TLN2: variants seen among roughly 807,000 people sequenced by gnomAD.
The protein encoded by TLN2 is talin-2.
TLN2 carries 118 observed loss-of-function variants against 294.7 expected under a neutral mutation model. The ratio of observed to expected loss-of-function variants is 0.40; its 90% CI spans 0.34 to 0.47. The LOEUF (loss-of-function observed/expected upper bound fraction) is 0.47, where lower values mean the gene tolerates loss of function less well. Ranked by LOEUF, TLN2 falls within the 20% of genes least tolerant of loss-of-function variation. The probability of loss-of-function intolerance (pLI) is 0.84; values close to 1 mark genes in which losing one functional copy is unlikely to be tolerated. For missense variants in TLN2, 3,083 were observed against 3,282.2 expected (o/e 0.94, Z 1.48); for synonymous variants, 1,431 against 1,304.5 (o/e 1.10, Z -2.09).
chr15:62,551,350 G>A (rs1418809673), intron 1 of TLN2, among the ~76,000 whole-genome samples: 1 of 152,136 alleles, frequency 6.6e-6, no homozygotes, highest in African/African-American at 2.4e-5. Flanking sequence ...TCCTGTGCAA[G>A]GATGATTTTT....
rs148420604 is a variant in TLN2 at position 62,408,934 on chromosome 15, A to G, written c.-238+18249A>G. ...CTCGGCCTCCCAAAGTGCTGGGATT[A>G]CAGGTGACAGCCAGCATGCCTGGCC... On this transcript the variant is annotated intron_variant, in intron 1 of 58. Coordinates refer to ENST00000636159, the MANE Select transcript of TLN2 (RefSeq NM_015059.3). Among the ~76,000 whole-genome samples the G allele has an allele frequency of 9.0e-3, 1,369 of 152,140 alleles. 9 individuals are homozygous for G. The highest frequency in any genetic ancestry group is 0.032 in the African/African-American group (1,316 of 41,490).
intron 17 of TLN2, 97 bp from the exon 18 acceptor site, chr15:62,701,895 G>C (rs1277398866): frequency 1.5e-6 from 2 of 1,359,372 alleles, no homozygotes; most frequent in Non-Finnish European, 2.0e-6. Context: ...ACTCCTGCAG[G>C]ATGGTAGGTG....
intron 42 of TLN2, among the ~76,000 whole-genome samples, chr15:62,771,923 A>G (rs1294812334): frequency 6.6e-6 from 1 of 152,196 alleles, no homozygotes; most frequent in African/African-American, 2.4e-5. Flanking sequence ...AGAAACATTT[A>G]AACTGGTAGC....
intron 1 of TLN2, among the ~76,000 whole-genome samples, chr15:62,451,140 T>C (rs977336120): frequency 6.6e-6 from 1 of 152,106 alleles, no homozygotes; most frequent in Non-Finnish European, 1.5e-5. Context: ...AATTTGAAGA[T>C]TCCTGGGCAC....
At chr15:62,683,011 CA>C (rs2141031609) in intron 11 of TLN2, 1 of 152,322 alleles carries the variant, frequency 6.6e-6, no homozygotes, top group Admixed American at 6.5e-5. Context: ...GGCTAATAAA[CA>C]GGGTCTTCAG....
chr15:62,669,509 G>A lies in TLN2; in HGVS notation c.789-4318G>A, dbSNP rs191786014. Among the ~76,000 whole-genome samples the A allele has an allele frequency of 1.8e-3, 269 of 152,280 alleles. 1 individual carries two copies. The highest frequency in any genetic ancestry group is 3.0e-3 in the Non-Finnish European group (201 of 68,026). ...TAAAAGGCTGGCAGTAGGGTTTGGC[G>A]GAGAAGTGAGTTCTCAATGCACAGT... On this transcript the variant is annotated intron_variant, in intron 9 of 58. Coordinates refer to ENST00000636159, the MANE Select transcript of TLN2 (RefSeq NM_015059.3).
In TLN2 at chr15:62,596,099, T is replaced by TA. The variant is rs935857998; in HGVS notation, c.-162+6344dup. ...GACCATGGTGAAACCCCGTCTCTGC[T>TA]AAAAAAATACAAAAAATTAGCCGGG... On this transcript the variant is annotated intron_variant, in intron 2 of 58. Coordinates refer to ENST00000636159, the MANE Select transcript of TLN2 (RefSeq NM_015059.3). Among the ~76,000 whole-genome samples, 20 of 151,558 alleles carry TA rather than the reference T, an allele frequency of 1.3e-4. No individual in the cohort carries two copies. The South Asian group carries it at 2.7e-3, about 21-fold the overall frequency.
At chr15:62,601,882 G>A (rs2047041522) in intron 2 of TLN2, among the ~76,000 whole-genome samples, 1 of 152,160 alleles carries the variant, frequency 6.6e-6, no homozygotes, top group Non-Finnish European at 1.5e-5. Context: ...TTGATGCTCA[G>A]ATTGTCCCAT....
chr15:62,627,250 G>A (rs941882695), intron 3 of TLN2, among the ~76,000 whole-genome samples: 2 of 152,148 alleles, frequency 1.3e-5, no homozygotes, highest in African/African-American at 4.8e-5. Context: ...AGGAAGGAAG[G>A]TAGATATTAA....
intron 1 of TLN2, among the ~76,000 whole-genome samples, chr15:62,398,043 C>T (rs2032701497): frequency 6.6e-6 from 1 of 152,158 alleles, no homozygotes; most frequent in South Asian, 2.1e-4. Context: ...TTCCAGCCAG[C>T]CGTGTTATGG....
At chr15:62,619,586 C>G (rs2140851560) in intron 3 of TLN2, among the ~76,000 whole-genome samples, 1 of 152,288 alleles carries the variant, frequency 6.6e-6, no homozygotes, top group Non-Finnish European at 1.5e-5. Context: ...ATAGTTTTTG[C>G]AGATGTAACT....
rs576249846 is a variant in TLN2, at chr15:62,470,812, T to G, written c.-238+80127T>G. Among the ~76,000 whole-genome samples the G allele has an allele frequency of 9.3e-4, 141 of 152,344 alleles. 1 individual carries two copies. Among genetic ancestry groups the G allele is most frequent in the Middle Eastern group, 3.4e-3 (1 of 294 alleles). ...TCCCTGCAGACAATAGTAGTTGTAC[T>G]TTCAGTATCCTTGGAGAGAGAACAT... On this transcript the variant is annotated intron_variant, in intron 1 of 58. Transcript: ENST00000636159.
At chr15:62,556,596 G>C (rs2042619778) in intron 1 of TLN2, among the ~76,000 whole-genome samples, 1 of 152,150 alleles carries the variant, frequency 6.6e-6, no homozygotes, top group Non-Finnish European at 1.5e-5. Context: ...ACCATGTCCA[G>C]CTAAACAAAT....
chr15:62,449,592 G>A (rs1223388719), intron 1 of TLN2, among the ~76,000 whole-genome samples: 4 of 152,098 alleles, frequency 2.6e-5, no homozygotes. Context: ...GGCCGAGACA[G>A]GAGGGTTGCT....
chr15:62,831,907 C>T (rs1194485393), intron 54 of TLN2: 1 of 152,190 alleles, frequency 6.6e-6, no homozygotes, highest in Non-Finnish European at 1.5e-5. Flanking sequence ...GACTTTGAAC[C>T]TCTGGCACAA....
intron 1 of TLN2, among the ~76,000 whole-genome samples, chr15:62,484,442 T>A (rs1480894912): frequency 6.6e-6 from 1 of 152,068 alleles, no homozygotes; most frequent in Non-Finnish European, 1.5e-5. Flanking sequence ...TTTCTTTTTT[T>A]TGAGACGGAG....
intron 2 of TLN2, among the ~76,000 whole-genome samples, chr15:62,590,517 A>G (rs1268882862): frequency 6.6e-6 from 1 of 152,114 alleles, no homozygotes; most frequent in Non-Finnish European, 1.5e-5. Flanking sequence ...TTATGGCTGC[A>G]TCGTATCCCA....
chr15:62,776,423 T>C (rs1167175082), intron 42 of TLN2, among the ~76,000 whole-genome samples: 1 of 152,234 alleles, frequency 6.6e-6, no homozygotes, highest in Non-Finnish European at 1.5e-5. Flanking sequence ...TTTCATTATA[T>C]TATTTTGTAA....
chr15:62,675,202 C>T lies in TLN2; in HGVS notation c.853-15C>T. ...GAGATGCAATAACTGGTCCCGACCA[C>T]TGTCACTTTTGCAGGAGCATAAGAA... On this transcript the variant is annotated splice_polypyrimidine_tract_variant and intron_variant, in intron 10 of 58. Transcript: ENST00000636159. 1.9e-6 allele frequency: 3 copies of T among 1,613,692 alleles called. No individual in the cohort carries two copies. In the South Asian group the frequency reaches 3.3e-5, roughly 18 times the overall value.
Sources: gnomAD v4.1 joint callset for allele counts (sites outside exome capture counted in the v4.1 genomes callset) on GRCh38, gnomAD v4.1.1 for gene constraint, MANE v1.5 for transcripts, NCBI Gene and HGNC (gene_info 2026-07-23, HGNC 2026-07-21) for gene names.